BNIP1: variants seen among roughly 807,000 people sequenced by gnomAD.
The protein encoded by BNIP1 is BCL2 interacting protein 1.
Under a neutral mutation model 28.5 loss-of-function variants are expected in BNIP1, and 25 were observed. The observed-to-expected ratio is 0.88, with a 90% CI of 0.64 to 1.23. The LOEUF (loss-of-function observed/expected upper bound fraction) is 1.23. BNIP1 is among the 50% of genes most tolerant of loss of function. The pLI is 0.00. For missense variants in BNIP1, 276 were observed against 277.0 expected (o/e 1.00, Z 0.02); for synonymous variants, 118 against 101.7 (o/e 1.16, Z -0.96).
intron 5 of BNIP1, chr5:173,160,769 G>A (rs1760339630): frequency 2.6e-5 from 12 of 455,310 alleles, no homozygotes; most frequent in South Asian, 1.7e-4. Flanking sequence ...CTGCTGGTAG[G>A]ACTGCTAGGA....
intron 5 of BNIP1, chr5:173,160,965 C>A: frequency 2.5e-6 from 1 of 404,408 alleles, no homozygotes; most frequent in Non-Finnish European, 4.9e-6. Context: ...TATAAGACAA[C>A]AGAAAAAGGG....
Position 173,145,900 on chromosome 5 carries a change from G to A in BNIP1, c.85-966G>A, listed in dbSNP as rs143420881. Among the ~76,000 whole-genome samples the A allele has an allele frequency of 3.3e-5, 5 of 152,258 alleles. No homozygotes were observed. The East Asian group carries it at 9.6e-4, about 29-fold the overall frequency. On this transcript the variant is annotated intron_variant, in intron 1 of 5. Coordinates refer to ENST00000351486, the MANE Select transcript of BNIP1 (RefSeq NM_001205.3). ...AGTGTGATTAAATGAATAAGCCAGA[G>A]AAAAAGTGAAATTTGATGCAGATAT...
chr5:173,146,136 G>A (rs765992352), intron 1 of BNIP1, among the ~76,000 whole-genome samples: 1 of 152,196 alleles, frequency 6.6e-6, no homozygotes, highest in Non-Finnish European at 1.5e-5. Flanking sequence ...CGTTCTTACC[G>A]TTTTCCAGCA....
At chr5:173,160,131 T>C in intron 5 of BNIP1, 80 bp downstream of exon 5, 2 of 1,300,298 alleles carry the variant, frequency 1.5e-6, no homozygotes, top group Admixed American at 1.9e-5. Flanking sequence ...CACTCTGGGC[T>C]CCTCCACCAC....
At chr5:173,158,531 G>A (rs1448561594) in intron 3 of BNIP1, among the ~76,000 whole-genome samples, 1 of 152,230 alleles carries the variant, frequency 6.6e-6, no homozygotes, top group African/African-American at 2.4e-5. Context: ...TCCCCGTGGC[G>A]ACCTCCAGGG....
chr5:173,158,917 C>T (rs1581080257), intron 4 of BNIP1, 72 bp downstream of exon 4: 1 of 1,152,986 alleles, frequency 8.7e-7, no homozygotes, highest in Non-Finnish European at 1.2e-6. Flanking sequence ...GAAACCCCCT[C>T]TTGTTTTCAG....
At chr5:173,145,412 G>GT (rs1262659351) in intron 1 of BNIP1, among the ~76,000 whole-genome samples, 2 of 152,150 alleles carry the variant, frequency 1.3e-5, no homozygotes, top group Non-Finnish European at 1.5e-5. Context: ...GTTTGTTTTT[G>GT]TTTTTTTGAG....
At chr5:173,147,384 G>C (rs1004727767) in intron 2 of BNIP1, among the ~76,000 whole-genome samples, 4 of 151,698 alleles carry the variant, frequency 2.6e-5, no homozygotes, top group Admixed American at 6.6e-5. Flanking sequence ...CAGCCTGGGC[G>C]ACAGAGCGAG....
At chr5:173,155,236 A>G (rs557623490) in intron 3 of BNIP1, among the ~76,000 whole-genome samples, 126 of 152,354 alleles carry the variant, frequency 8.3e-4, no homozygotes, top group African/African-American at 2.9e-3. Flanking sequence ...ATATAGTTAC[A>G]GTTATATGCC....
At chr5:173,154,268 G>C in intron 2 of BNIP1, 54 bp from the exon 3 acceptor site, 2 of 1,536,200 alleles carry the variant, frequency 1.3e-6, no homozygotes, top group Middle Eastern at 3.4e-4. Flanking sequence ...ATGCTCTTCT[G>C]CTTTCATGTT....
intron 5 of BNIP1, among the ~76,000 whole-genome samples, chr5:173,163,015 C>G (rs1760406340): frequency 6.6e-6 from 1 of 152,206 alleles, no homozygotes. Context: ...GTGTTCTATT[C>G]AATGGCTGTT....
At chr5:173,153,290 C>T (rs369017833) in intron 2 of BNIP1, among the ~76,000 whole-genome samples, 1 of 151,378 alleles carries the variant, frequency 6.6e-6, no homozygotes, top group African/African-American at 2.4e-5. Flanking sequence ...TGCAGTGGCG[C>T]AGTCTTGGCT....
At chr5:173,154,274 A>C in intron 2 of BNIP1, 48 bp from the exon 3 acceptor site, 1 of 1,558,972 alleles carries the variant, frequency 6.4e-7, no homozygotes, top group Non-Finnish European at 8.8e-7. Context: ...TTCTGCTTTC[A>C]TGTTGACTTT....
At chr5:173,160,126 TG>T in intron 5 of BNIP1, 75 bp downstream of exon 5, 2 of 1,365,666 alleles carry the variant, frequency 1.5e-6, no homozygotes, top group Non-Finnish European at 1.0e-6. Flanking sequence ...ACCTCCACTC[TG>T]GGCTCCTCCA....
chr5:173,155,708 AT>A (rs1274832464), intron 3 of BNIP1, among the ~76,000 whole-genome samples: 34 of 152,122 alleles, frequency 2.2e-4, no homozygotes, highest in African/African-American at 6.5e-4. Context: ...CAAAAAAAAA[AT>A]ATTTTTATTT....
chr5:173,154,258 A>G (rs1428526254), intron 2 of BNIP1, 64 bp from the exon 3 acceptor site: 12 of 1,479,212 alleles, frequency 8.1e-6, no homozygotes, highest in Non-Finnish European at 1.0e-5. Context: ...AGAAATAGAA[A>G]TGCTCTTCTG....
intron 5 of BNIP1, among the ~76,000 whole-genome samples, chr5:173,163,281 G>A (rs985511725): frequency 3.3e-5 from 5 of 152,164 alleles, no homozygotes; most frequent in African/African-American, 7.2e-5. Flanking sequence ...GCAAAGTGCC[G>A]GTCTGGCCAG....
chr5:173,158,704 G>C, intron 3 of BNIP1, 40 bp from the exon 4 acceptor site: 1 of 1,513,654 alleles, frequency 6.6e-7, no homozygotes, highest in South Asian at 1.2e-5. Flanking sequence ...TTATGGCTTG[G>C]TGGAGTGGAC....
chr5:173,145,691 C>T (rs1561592034), intron 1 of BNIP1, among the ~76,000 whole-genome samples: 1 of 152,248 alleles, frequency 6.6e-6, no homozygotes, highest in Non-Finnish European at 1.5e-5. Flanking sequence ...GCGTGAGCCA[C>T]CGCGCCCGGC....
Sources: allele counts gnomAD v4.1 joint callset (sites outside exome capture counted in the v4.1 genomes callset), GRCh38; gene constraint gnomAD v4.1.1; transcripts MANE v1.5; gene names NCBI Gene and HGNC (gene_info 2026-07-23, HGNC 2026-07-21).